The following PAK5 variants were observed in gnomAD, a reference collection of about 807,000 sequenced individuals.
PAK5 encodes p21 (RAC1) activated kinase 5, also known as serine/threonine-protein kinase PAK 5.
A neutral mutation model predicts 65.9 loss-of-function variants in PAK5; 16 were observed. The observed-to-expected ratio is 0.24, with a 90% confidence interval of 0.16 to 0.37. The LOEUF (loss-of-function observed/expected upper bound fraction) is 0.37. PAK5 is among the 10% of genes least tolerant of loss of function. The probability of loss-of-function intolerance (pLI) is 1.00; values close to 1 mark genes in which losing one functional copy is unlikely to be tolerated. For synonymous variants in PAK5, 371 were observed against 354.9 expected (o/e 1.05, Z -0.51); for missense variants, 785 against 903.9 (o/e 0.87, Z 1.69).
At chr20:9,749,610 T>G (rs1243351464) in intron 1 of PAK5, among the ~76,000 whole-genome samples, 1 of 152,202 alleles carries the variant, frequency 6.6e-6, no homozygotes, top group Non-Finnish European at 1.5e-5. Flanking sequence ...ATTATTGCTG[T>G]TCCATAGATT....
At chr20:9,710,639 C>T (rs1040882341) in intron 2 of PAK5, among the ~76,000 whole-genome samples, 4 of 152,062 alleles carry the variant, frequency 2.6e-5, no homozygotes, top group African/African-American at 7.2e-5. Context: ...GGGGTAGTAG[C>T]GACCCCCACA....
intron 3 of PAK5, among the ~76,000 whole-genome samples, chr20:9,581,726 A>G (rs1238022950): frequency 6.6e-6 from 1 of 152,218 alleles, no homozygotes; most frequent in Non-Finnish European, 1.5e-5. Context: ...CAAGAATACC[A>G]GGAACTGAAA....
At chr20:9,574,971 T>A (rs947693956) in intron 4 of PAK5, among the ~76,000 whole-genome samples, 2 of 152,142 alleles carry the variant, frequency 1.3e-5, no homozygotes, top group African/African-American at 4.8e-5. Context: ...AGAAAAGAAG[T>A]TGCTGTTCTG....
chr20:9,781,819 G>A (rs900765235), intron 1 of PAK5, among the ~76,000 whole-genome samples: 8 of 151,944 alleles, frequency 5.3e-5, no homozygotes, highest in African/African-American at 1.9e-4. Flanking sequence ...TTCCTCCACT[G>A]TTAACATCTG....
intron 3 of PAK5, among the ~76,000 whole-genome samples, chr20:9,638,115 G>A (rs932243314): frequency 2.1e-4 from 32 of 152,072 alleles, no homozygotes; most frequent in African/African-American, 7.7e-4. Context: ...AAGCCCCCAG[G>A]GAAATTCTTA....
At position 9,769,378 on chromosome 20, in the gene PAK5, C is replaced by T. The variant is rs139732153; in HGVS notation, c.-161-57943G>A. On this transcript the variant is annotated intron_variant, in intron 1 of 9. Coordinates refer to ENST00000353224, the MANE Select transcript of PAK5 (RefSeq NM_177990.4). Reference sequence around the variant, plus strand: ...GGCAGGGGTTCTAATAGTTCCTCTACATCCCTGCCAGTCTGCATAACTACA... The same window carrying T: ...GGCAGGGGTTCTAATAGTTCCTCTATATCCCTGCCAGTCTGCATAACTACA... Among the ~76,000 whole-genome samples, 328 of 152,352 alleles carry T rather than the reference C, an allele frequency of 2.2e-3. 1 individual carries two copies. Among genetic ancestry groups the T allele is most frequent in the African/African-American group, 7.6e-3 (318 of 41,578 alleles).
In PAK5 at chr20:9,539,218, G is replaced by T. The variant is rs753371918; in HGVS notation, c.*244C>A. 2.0e-5 allele frequency: 8 copies of T among 401,262 alleles called. No individual in the cohort carries two copies. Among genetic ancestry groups the T allele is most frequent in the Admixed American group, 3.7e-5 (1 of 27,382 alleles). The allele number at this position is 401,262 out of a possible 1,614,324, so 24.9% of individuals were successfully genotyped here. A position where few individuals can be genotyped will look rare whatever the true frequency, so the allele number is the denominator to read the frequency against. On this transcript the variant is annotated 3_prime_UTR_variant, in exon 10 of 10. Transcript: ENST00000353224. ...CTTCTGATTTGCTGGATGAAGGGCT[G>T]AAAAATATAATAATGACTTATTAAA...
intron 1 of PAK5, among the ~76,000 whole-genome samples, chr20:9,721,653 CAAAAAAAAAAAAA>C (rs144378083): frequency 3.1e-5 from 2 of 65,522 alleles, no homozygotes; most frequent in African/African-American, 1.3e-4. Context: ...GACTCCATCT[CAAAAAAAAAAAAA>C]AAAAAAAAAA....
intron 3 of PAK5, among the ~76,000 whole-genome samples, chr20:9,620,788 A>G (rs1321259442): frequency 6.6e-6 from 1 of 152,004 alleles, no homozygotes; most frequent in African/African-American, 2.4e-5. Flanking sequence ...CTCAATGGGG[A>G]ATTGACAGTC....
chr20:9,645,045 C>A (rs1011101314), intron 2 of PAK5, among the ~76,000 whole-genome samples: 4 of 152,210 alleles, frequency 2.6e-5, no homozygotes, highest in South Asian at 2.1e-4. Flanking sequence ...AAGGATCAAA[C>A]AAGTAAATAT....
At position 9,778,437 on chromosome 20, in the gene PAK5, C is replaced by T. The variant is rs146329390; in HGVS notation, c.-162+60325G>A. Among the ~76,000 whole-genome samples the T allele has an allele frequency of 1.2e-4, 18 of 149,928 alleles. No homozygotes were observed. In the East Asian group the frequency reaches 3.2e-3, roughly 27 times the overall value. The stretch of plus-strand genomic sequence containing the variant: ...ATTGTTTGTAGAGACTGGGTCTCAT[C>T]GTATTACCCACACTGGTCTCAGACT... On this transcript the variant is annotated intron_variant, in intron 1 of 9. Transcript: ENST00000353224.
chr20:9,770,375 G>A (rs1346027767), intron 1 of PAK5, among the ~76,000 whole-genome samples: 1 of 152,092 alleles, frequency 6.6e-6, no homozygotes, highest in Non-Finnish European at 1.5e-5. Context: ...TGAAAATGAG[G>A]GAGAAGATAA....
intron 2 of PAK5, among the ~76,000 whole-genome samples, chr20:9,669,930 C>T (rs559888838): frequency 4.6e-5 from 7 of 151,438 alleles, no homozygotes; most frequent in African/African-American, 1.5e-4. Context: ...GCCTCCCCCC[C>T]ACCCCACAAC....
At chr20:9,674,250 G>A (rs2047538236) in intron 2 of PAK5, among the ~76,000 whole-genome samples, 1 of 151,674 alleles carries the variant, frequency 6.6e-6, no homozygotes, top group African/African-American at 2.4e-5. Flanking sequence ...TTCTAACAAT[G>A]ACTCCTCACC....
chr20:9,809,406 G>A (rs2049272281), intron 1 of PAK5, among the ~76,000 whole-genome samples: 1 of 145,770 alleles, frequency 6.9e-6, no homozygotes, highest in Non-Finnish European at 1.5e-5. Context: ...ATAACTTGGT[G>A]TTTAAAAAAA....
rs548703756 is a variant in PAK5, at chr20:9,763,548, C to A, written c.-161-52113G>T. ...AAATGAAAAACAAAACAAAAAAAAACAATCTTGAAGCCCAACTCTCATCTG... is the reference window on the plus strand; with the variant it reads ...AAATGAAAAACAAAACAAAAAAAAAAAATCTTGAAGCCCAACTCTCATCTG... On this transcript the variant is annotated intron_variant, in intron 1 of 9. Transcript: ENST00000353224. 1.7e-4 allele frequency among the ~76,000 whole-genome samples: 26 copies of A among 149,228 alleles called. No homozygotes were observed. In the South Asian group the frequency reaches 4.8e-3, roughly 27 times the overall value.
chr20:9,563,672 G>A (rs904563186), intron 5 of PAK5, among the ~76,000 whole-genome samples: 5 of 152,170 alleles, frequency 3.3e-5, no homozygotes, highest in African/African-American at 1.2e-4. Flanking sequence ...TTCCACTCGA[G>A]TTTTCAGAGC....
At position 9,568,348 on chromosome 20, in the gene PAK5, G is replaced by C. The variant is rs544884206; in HGVS notation, c.991-1964C>G. The stretch of plus-strand genomic sequence containing the variant: ...GCAGGATTTGAAGATGGAGCTGACA[G>C]GATTTGCTGATGGATTGGGTGAGAT... On this transcript the variant is annotated intron_variant, in intron 4 of 9. Transcript: ENST00000353224. 3.9e-5 allele frequency among the ~76,000 whole-genome samples: 6 copies of C among 152,330 alleles called. No homozygotes were observed. The East Asian group carries it at 1.2e-3, about 29-fold the overall frequency.
At chr20:9,596,356 G>C (rs998297493) in intron 3 of PAK5, among the ~76,000 whole-genome samples, 1 of 152,106 alleles carries the variant, frequency 6.6e-6, no homozygotes, top group African/African-American at 2.4e-5. Flanking sequence ...GACTACAGAG[G>C]CCAGGCACGG....
Sources: allele counts gnomAD v4.1 joint callset (sites outside exome capture counted in the v4.1 genomes callset), GRCh38; gene constraint gnomAD v4.1.1; transcripts MANE v1.5; gene names NCBI Gene and HGNC (gene_info 2026-07-23, HGNC 2026-07-21).